The following ROBO2 variants were observed in gnomAD, a reference collection of about 807,000 sequenced individuals.
The protein encoded by ROBO2 is roundabout guidance receptor 2.
A neutral mutation model predicts 160.8 loss-of-function variants in ROBO2; 53 were observed. The observed-to-expected ratio is 0.33, with a 90% CI of 0.26 to 0.41. The LOEUF (loss-of-function observed/expected upper bound fraction) is 0.41. ROBO2 is among the 10% of genes least tolerant of loss of function. The pLI is 1.00. For synonymous variants in ROBO2, 664 were observed against 611.7 expected, an observed-to-expected ratio of 1.09 and a Z score of -1.26; for missense variants, 1,577 against 1,722.4, an observed-to-expected ratio of 0.92 and a Z score of 1.49.
rs867552121 is a variant in ROBO2, at chr3:76,674,631, G to C, written c.110-423383G>C. 1.3e-4 allele frequency among the ~76,000 whole-genome samples: 8 copies of C among 61,118 alleles called. No homozygotes were observed. The East Asian group carries it at 2.0e-3, about 15-fold the overall frequency. The allele number at this position is 61,118 out of a possible 152,430, so 40.1% of individuals were successfully genotyped here. On this transcript the variant is annotated intron_variant, in intron 2 of 26. Transcript: ENST00000487694. ...ACACACACACACACACACACACACA[G>C]AAACCTGTAGAAAGTGCAAATTAAA... is the stretch of plus-strand genomic sequence containing the variant.
At chr3:77,510,180 A>G (rs930245526) in intron 5 of ROBO2, among the ~76,000 whole-genome samples, 3 of 152,098 alleles carry the variant, frequency 2.0e-5, no homozygotes, top group African/African-American at 7.2e-5. Context: ...TGGAGTTTTT[A>G]TTAATCTACT....
intron 2 of ROBO2, among the ~76,000 whole-genome samples, chr3:76,885,918 A>G (rs2073834803): frequency 6.6e-6 from 1 of 152,140 alleles, no homozygotes; most frequent in Non-Finnish European, 1.5e-5. Context: ...TGCAACCTGA[A>G]AGTGTGTGTT....
intron 2 of ROBO2, among the ~76,000 whole-genome samples, chr3:76,557,881 T>C (rs1447601142): frequency 1.0e-5 from 1 of 95,326 alleles, no homozygotes; most frequent in Non-Finnish European, 2.2e-5. Context: ...TTTGCTGGAA[T>C]TACTTAAAAA....
intron 2 of ROBO2, among the ~76,000 whole-genome samples, chr3:76,449,734 G>A (rs1005176234): frequency 2.0e-5 from 3 of 152,026 alleles, no homozygotes; most frequent in Non-Finnish European, 4.4e-5. Flanking sequence ...ACTAAATTAG[G>A]GATCACCAAA....
At chr3:76,655,073 G>A (rs2109951862) in intron 2 of ROBO2, among the ~76,000 whole-genome samples, 1 of 151,136 alleles carries the variant, frequency 6.6e-6, no homozygotes, top group East Asian at 1.9e-4. Context: ...AGTTGAAAAA[G>A]CGGGGTTACA....
chr3:77,279,933 T>G (rs1398861334), intron 2 of ROBO2, among the ~76,000 whole-genome samples: 2 of 152,172 alleles, frequency 1.3e-5, no homozygotes, highest in South Asian at 4.1e-4. Flanking sequence ...TACCTTGTGA[T>G]TACTTTTAAA....
chr3:77,240,582 C>T (rs1486027463), intron 2 of ROBO2, among the ~76,000 whole-genome samples: 1 of 152,216 alleles, frequency 6.6e-6, no homozygotes, highest in Non-Finnish European at 1.5e-5. Flanking sequence ...AGAGCGGACA[C>T]CGTGGCCGAG....
intron 2 of ROBO2, among the ~76,000 whole-genome samples, chr3:77,217,044 A>T (rs532023519): frequency 6.6e-6 from 1 of 152,140 alleles, no homozygotes. Flanking sequence ...GGAAAATTAG[A>T]GTGGTAAAGC....
chr3:77,144,520 C>A (rs2150463729), intron 2 of ROBO2, among the ~76,000 whole-genome samples: 1 of 152,278 alleles, frequency 6.6e-6, no homozygotes, highest in South Asian at 2.1e-4. Context: ...TTTGTCTCAA[C>A]TATATATAAA....
chr3:76,166,179 C>T (rs2072830345), intron 2 of ROBO2, among the ~76,000 whole-genome samples: 1 of 152,150 alleles, frequency 6.6e-6, no homozygotes, highest in Non-Finnish European at 1.5e-5. Flanking sequence ...AGCACAATAT[C>T]TGCAAAGAGC....
At chr3:77,429,388 T>G (rs1178566430) in intron 2 of ROBO2, among the ~76,000 whole-genome samples, 1 of 152,072 alleles carries the variant, frequency 6.6e-6, no homozygotes, top group African/African-American at 2.4e-5. Context: ...AAAACACAGA[T>G]TCAAACTCAA....
At chr3:77,040,020 G>A (rs954812329) in exon 1 of ROBO2, 2 of 809,002 alleles carry the variant, frequency 2.5e-6, no homozygotes, top group Non-Finnish European at 3.0e-6. Flanking sequence ...GGCACCGCGG[G>A]GGTGTCTGCA....
At chr3:76,797,373 C>G (rs2063779524) in intron 2 of ROBO2, among the ~76,000 whole-genome samples, 1 of 151,914 alleles carries the variant, frequency 6.6e-6, no homozygotes, top group Admixed American at 6.6e-5. Context: ...AAAAAATTTA[C>G]AAATTTCCTG....
chr3:77,122,417 T>C (rs899288437), intron 2 of ROBO2, among the ~76,000 whole-genome samples: 5 of 152,222 alleles, frequency 3.3e-5, no homozygotes, highest in African/African-American at 1.2e-4. Context: ...CATGCCGATG[T>C]GTAAATGAGT....
intron 1 of ROBO2, among the ~76,000 whole-genome samples, chr3:75,908,801 C>A (rs1372723969): frequency 6.6e-6 from 1 of 152,160 alleles, no homozygotes; most frequent in South Asian, 2.1e-4. Flanking sequence ...TAAAAACTGA[C>A]CTGTGTCCTT....
chr3:76,273,899 A>C (rs1707760563), intron 2 of ROBO2, among the ~76,000 whole-genome samples: 1 of 152,146 alleles, frequency 6.6e-6, no homozygotes, highest in Non-Finnish European at 1.5e-5. Flanking sequence ...TGGAGGCTGG[A>C]ACATCCAAGA....
intron 2 of ROBO2, among the ~76,000 whole-genome samples, chr3:77,313,514 T>C (rs2153424284): frequency 6.6e-6 from 1 of 152,272 alleles, no homozygotes. Flanking sequence ...AATCTCTTCC[T>C]ATCCCTGCTT....
chr3:76,699,914 G>A (rs935165585), intron 2 of ROBO2, among the ~76,000 whole-genome samples: 6 of 152,152 alleles, frequency 3.9e-5, no homozygotes, highest in East Asian at 3.9e-4. Flanking sequence ...GCTGCTAAAT[G>A]AATGTCTCCT....
intron 2 of ROBO2, among the ~76,000 whole-genome samples, chr3:76,521,228 T>C (rs1187428570): frequency 1.3e-5 from 2 of 152,080 alleles, no homozygotes; most frequent in Non-Finnish European, 2.9e-5. Flanking sequence ...TTTGTATTTT[T>C]AGTACAGATG....
Sources: gnomAD v4.1 joint callset for allele counts (sites outside exome capture counted in the v4.1 genomes callset) on GRCh38, gnomAD v4.1.1 for gene constraint, MANE v1.5 for transcripts, NCBI Gene and HGNC (gene_info 2026-07-23, HGNC 2026-07-21) for gene names.